The following PTRH1 variants were observed in gnomAD, a reference collection of about 807,000 sequenced individuals.
The protein encoded by PTRH1 is peptidyl-tRNA hydrolase.
PTRH1 carries 13 observed loss-of-function variants against 15.7 expected under a neutral mutation model. The ratio of observed to expected loss-of-function variants is 0.83; its 90% CI spans 0.54 to 1.31. PTRH1 has a LOEUF of 1.31. Among genes scored for constraint, PTRH1 ranks in the 40% most tolerant of loss-of-function variants. The pLI, the probability that PTRH1 is intolerant of heterozygous loss-of-function variation, is 0.00. For synonymous variants in PTRH1, 139 were observed against 136.7 expected, an observed-to-expected ratio of 1.02 and a Z score of -0.12; for missense variants, 319 against 296.2, an observed-to-expected ratio of 1.08 and a Z score of -0.56.
At position 127,715,070 on chromosome 9, in the gene PTRH1, G is replaced by A. The variant is rs1842916628; in HGVS notation, c.221C>T (p.Ala74Val). 2.0e-6 allele frequency: 3 copies of A among 1,528,504 alleles called. No individual in the cohort carries two copies. In the East Asian group the frequency reaches 7.4e-5, roughly 38 times the overall value. 94.7% of individuals were successfully genotyped at this position (1,528,504 alleles called of 1,614,324 possible). Residue 74 changes from alanine (A) to valine (V), a missense_variant, in exon 2 of 5, where the codon GCC (alanine) becomes GTC (valine). Ala to Val is a moderately conservative substitution (Grantham distance 64). Coordinates refer to ENST00000543175, the MANE Select transcript of PTRH1 (RefSeq NM_001002913.3). This position sits in a 1 kb window ranked among gnomAD's most constrained non-coding sequence, Gnocchi z 5.8. Reference sequence around the variant, plus strand: ...CCCCAGCGGGGCCAGGGCGAGGTCGGCGGCACAGTGCCGGTCGCGCGTCCA... The same window carrying A: ...CCCCAGCGGGGCCAGGGCGAGGTCGACGGCACAGTGCCGGTCGCGCGTCCA... ...ESWTRDRHCAADLALAPLGDA... is the reference protein window; with the variant it reads ...ESWTRDRHCAVDLALAPLGDA...
chr9:127,714,996 C>T lies in PTRH1; in HGVS notation c.295G>A (p.Gly99Arg). Residue 99 changes from glycine to arginine, a missense_variant, in exon 2 of 5, where the codon GGG (glycine) becomes AGG (arginine). Physicochemically the swap from Gly to Arg is moderately radical, Grantham distance 125 (BLOSUM62 -2). Coordinates refer to ENST00000543175, the MANE Select transcript of PTRH1 (RefSeq NM_001002913.3). Reference sequence around the variant, plus strand: ...TCACCAGCCCGGGCCACGCTGCGCCCGTTGGCGTTCATAAGCCGCCGTGGC... The same window carrying T: ...TCACCAGCCCGGGCCACGCTGCGCCTGTTGGCGTTCATAAGCCGCCGTGGC... The part of the protein sequence containing the change: ...LRPRRLMNAN[G>R]RSVARAAELF... 1.4e-6 allele frequency: 2 copies of T among 1,473,474 alleles called. No individual in the cohort carries two copies. The highest frequency in any genetic ancestry group is 1.8e-6 in the Non-Finnish European group (2 of 1,117,552). 91.3% of individuals were successfully genotyped at this position (1,473,474 alleles called of 1,614,324 possible). A position where few individuals can be genotyped will look rare whatever the true frequency, so the allele number is the denominator to read the frequency against.
downstream of PTRH1, chr9:127,711,753 G>C: frequency 6.6e-7 from 1 of 1,515,918 alleles, no homozygotes; most frequent in Admixed American, 2.0e-5. Flanking sequence ...AACACGGGAG[G>C]CCTGGCTGTG....
intron 1 of PTRH1, among the ~76,000 whole-genome samples, chr9:127,702,139 C>T (rs567185061): frequency 2.6e-5 from 4 of 151,910 alleles, no homozygotes; most frequent in Admixed American, 6.6e-5. Flanking sequence ...TTTGGGAGAC[C>T]GAGGTGGGCG....
intron 1 of PTRH1, among the ~76,000 whole-genome samples, chr9:127,696,428 C>T (rs747774941): frequency 5.9e-5 from 9 of 152,288 alleles, no homozygotes; most frequent in African/African-American, 1.9e-4. Flanking sequence ...GAGTTAGGTG[C>T]CATTATTAGC....
In PTRH1 at chr9:127,705,116, C is replaced by A. The variant is rs1842632903; in HGVS notation, c.206-9975G>T. ...CCTAGGTTTCTTCCCTCCAAAGTCT[C>A]CCAGAGGTGACAGTGCCCCAGGCCA... On this transcript the variant is annotated intron_variant, in intron 1 of 2. Transcript: ENST00000335223. The surrounding 1 kb of genome is among the most constrained non-coding windows in gnomAD (Gnocchi z 4.7). 6.6e-6 allele frequency among the ~76,000 whole-genome samples: 1 copy of A among 152,120 alleles called. No homozygotes were observed. Among genetic ancestry groups the A allele is most frequent in the South Asian group, 2.1e-4 (1 of 4,826 alleles).
Position 127,715,473 on chromosome 9 carries a change from C to A in PTRH1, c.96+71G>T. The A allele has an allele frequency of 6.2e-7, 1 of 1,602,986 alleles. No homozygotes were observed. ...AGAGCAGCAATTTGGGGGCACTCGGCTCCCGGGACATAATGGCCGAACTGA... is the reference window on the plus strand; with the variant it reads ...AGAGCAGCAATTTGGGGGCACTCGGATCCCGGGACATAATGGCCGAACTGA... On this transcript the variant is annotated intron_variant, in intron 1 of 4. Coordinates refer to ENST00000543175, the MANE Select transcript of PTRH1 (RefSeq NM_001002913.3). The surrounding 1 kb of genome is among the most constrained non-coding windows in gnomAD (Gnocchi z 5.8).
downstream of PTRH1, chr9:127,712,309 C>T: frequency 6.2e-7 from 1 of 1,614,034 alleles, no homozygotes; most frequent in Non-Finnish European, 8.5e-7. Flanking sequence ...CTGGAGGCGG[C>T]TCTGGTCCAG....
chr9:127,715,359 A>C lies in PTRH1; in HGVS notation c.97-165T>G. On this transcript the variant is annotated intron_variant, in intron 1 of 4. Coordinates refer to ENST00000543175, the MANE Select transcript of PTRH1 (RefSeq NM_001002913.3). This position sits in a 1 kb window ranked among gnomAD's most constrained non-coding sequence, Gnocchi z 5.8. Reference sequence around the variant, plus strand: ...AAACCCGACCCCTGAGAACTCCAGAAGGCTGGGCAGGCAGGGCGCCCTAGT... The same window carrying C: ...AAACCCGACCCCTGAGAACTCCAGACGGCTGGGCAGGCAGGGCGCCCTAGT... 8.2e-7 allele frequency: 1 copy of C among 1,224,874 alleles called. No individual in the cohort carries two copies. The allele number at this position is 1,224,874 out of a possible 1,614,324, so 75.9% of individuals were successfully genotyped here.
chr9:127,711,431 A>C, downstream of PTRH1: 1 of 1,614,110 alleles, frequency 6.2e-7, no homozygotes, highest in Non-Finnish European at 8.5e-7. Context: ...CAATCTGTGC[A>C]AACAGCTGGA....
At chr9:127,695,737 TTC>T (rs1442740990) in intron 1 of PTRH1, 1 of 152,250 alleles carries the variant, frequency 6.6e-6, no homozygotes, top group African/African-American at 2.4e-5. Flanking sequence ...TTAAAACAGT[TTC>T]TTTTAAGTTT....
At chr9:127,712,438 T>TC, downstream of PTRH1, 1 of 1,523,906 alleles carries the variant, frequency 6.6e-7, no homozygotes, top group Non-Finnish European at 8.9e-7. Context: ...TGCCTCAGGA[T>TC]CAGAGGCCCC....
rs552371337 is a variant in PTRH1, at chr9:127,707,207, G to A, written c.205+8228C>T. 4.5e-5 allele frequency: 72 copies of A among 1,606,670 alleles called. No homozygotes were observed. In the South Asian group the frequency reaches 5.2e-4, roughly 12 times the overall value. ...CGGCTAGCCCGGTGCGTGGGCTGGCGGGCAGGAGTCTGGTGCCCTGGGTCA... is the reference window on the plus strand; with the variant it reads ...CGGCTAGCCCGGTGCGTGGGCTGGCAGGCAGGAGTCTGGTGCCCTGGGTCA... On this transcript the variant is annotated intron_variant, in intron 1 of 2. Transcript: ENST00000335223.
At chr9:127,706,959 T>C in intron 1 of PTRH1, 1 of 1,559,898 alleles carries the variant, frequency 6.4e-7, no homozygotes, top group African/African-American at 1.4e-5. Flanking sequence ...GGCCTGTTGC[T>C]ATGTACGGGA....
At position 127,701,377 on chromosome 9, in the gene PTRH1, C is replaced by T. The variant is rs140135700; in HGVS notation, c.206-6236G>A. ...GTCTTTCCCAACACACATGGGGCCA[C>T]TCACTTTAATAAGGGCATAGGAGCA... is the stretch of plus-strand genomic sequence containing the variant. On this transcript the variant is annotated intron_variant, in intron 1 of 2. Transcript: ENST00000335223. 2.2e-3 allele frequency among the ~76,000 whole-genome samples: 342 copies of T among 152,286 alleles called. 3 individuals carry two copies. The highest frequency in any genetic ancestry group is 6.0e-3 in the South Asian group (29 of 4,830).
chr9:127,694,825 C>A, intron 2 of PTRH1: 1 of 600,432 alleles, frequency 1.7e-6, no homozygotes, highest in Non-Finnish European at 3.0e-6. Context: ...ATATTTAACA[C>A]CGTTGGAGAC....
chr9:127,711,579 G>T, downstream of PTRH1: 1 of 1,524,440 alleles, frequency 6.6e-7, no homozygotes, highest in South Asian at 1.3e-5. Context: ...TAGAGTCAGG[G>T]GCAGTCAAGT....
intron 1 of PTRH1, among the ~76,000 whole-genome samples, chr9:127,706,587 T>C (rs1463299342): frequency 6.6e-6 from 1 of 151,984 alleles, no homozygotes; most frequent in East Asian, 1.9e-4. Context: ...CAGGGCCCCA[T>C]CAGCTGGACG....
At chr9:127,698,408 C>T (rs947263984) in intron 1 of PTRH1, among the ~76,000 whole-genome samples, 63 of 152,126 alleles carry the variant, frequency 4.1e-4, no homozygotes, top group Admixed American at 2.6e-3. Context: ...AAAAACAGGC[C>T]GGGCACAATG....
chr9:127,707,167 C>T (rs370812081), intron 1 of PTRH1: 208 of 1,613,140 alleles, frequency 1.3e-4, no homozygotes, highest in Middle Eastern at 5.0e-4. Flanking sequence ...CATCCAGATC[C>T]GAGACCTGGA....
Sources: allele counts gnomAD v4.1 joint callset (sites outside exome capture counted in the v4.1 genomes callset), GRCh38; gene constraint gnomAD v4.1.1; non-coding constraint Gnocchi (gnomAD v3.1); transcripts MANE v1.5; gene names NCBI Gene and HGNC (gene_info 2026-07-23, HGNC 2026-07-21).